The following ZSCAN25 variants were observed in gnomAD, a reference collection of about 807,000 sequenced individuals.
The protein encoded by ZSCAN25 is zinc finger and SCAN domain-containing protein 25.
ZSCAN25 carries 27 observed loss-of-function variants against 38.7 expected under a neutral mutation model. The observed-to-expected ratio is 0.70, with a 90% CI of 0.51 to 0.96. The LOEUF is 0.96. Among genes scored for constraint, ZSCAN25 ranks in the 40% least tolerant of loss-of-function variants. ZSCAN25 has a pLI of 0.00. For missense variants in ZSCAN25, 637 were observed against 705.9 expected (o/e 0.90, Z 1.11); for synonymous variants, 273 against 277.7 (o/e 0.98, Z 0.17).
At chr7:99,662,971 G>A in the ZSCAN25 span, 16 of 1,573,210 alleles carry the variant, frequency 1.0e-5, no homozygotes, top group Admixed American at 5.3e-5. This position sits in a 1 kb window ranked among gnomAD's most constrained non-coding sequence, Gnocchi z 4.3. Flanking sequence ...CTCCCTTCTT[G>A]ACTTCCCTCC....
chr7:99,675,660 T>C, the ZSCAN25 span, among the ~76,000 whole-genome samples: 1 of 344 alleles, frequency 2.9e-3, no homozygotes, highest in Non-Finnish European at 6.3e-3. Flanking sequence ...TCCCCTCCCC[T>C]CCCCTCCCCT....
At chr7:99,635,625 C>A (rs558307263), downstream of ZSCAN25, among the ~76,000 whole-genome samples, 3 of 152,330 alleles carry the variant, frequency 2.0e-5, no homozygotes, top group East Asian at 5.8e-4. Flanking sequence ...ATAACCACAT[C>A]TCACCTGCAA....
chr7:99,640,779 C>T, the ZSCAN25 span, among the ~76,000 whole-genome samples: 6 of 152,070 alleles, frequency 3.9e-5, no homozygotes, highest in South Asian at 2.1e-4. Context: ...GCTATGAAGC[C>T]GGGAAAACAG....
rs566424840 is a variant in ZSCAN25 at position 99,630,252 on chromosome 7, C to T, written c.*232C>T. The stretch of plus-strand genomic sequence containing the variant: ...TTCCAATGTTTGAGGGAAGCAGTCT[C>T]CTGCGGTTCAGTTCAGGCTGAGATT... On this transcript the variant is annotated 3_prime_UTR_variant, in exon 8 of 8. Transcript: ENST00000394152. The T allele has an allele frequency of 1.6e-5, 21 of 1,332,134 alleles. 1 individual carries two copies. The highest frequency in any genetic ancestry group is 5.6e-4 in the Middle Eastern group (2 of 3,568). 82.5% of individuals were successfully genotyped at this position (1,332,134 alleles called of 1,614,324 possible).
the ZSCAN25 span, among the ~76,000 whole-genome samples, chr7:99,670,406 G>A: frequency 3.3e-5 from 5 of 152,308 alleles, no homozygotes; most frequent in East Asian, 7.7e-4. Flanking sequence ...ATTTCGACAT[G>A]TTGGCTAAAC....
the ZSCAN25 span, among the ~76,000 whole-genome samples, chr7:99,720,095 CTGTATCAATGTTAATT>C: frequency 6.6e-6 from 1 of 152,118 alleles, no homozygotes; most frequent in East Asian, 1.9e-4. Flanking sequence ...ACTCTGTGAA[CTGTATCAATGTTAATT>C]TCCTGTACTG....
chr7:99,619,558 A>G lies in ZSCAN25; in HGVS notation c.-46-3A>G, dbSNP rs773879995. The G allele has an allele frequency of 6.4e-7, 1 of 1,552,764 alleles. No homozygotes were observed. Among genetic ancestry groups the G allele is most frequent in the Non-Finnish European group, 8.7e-7 (1 of 1,150,516 alleles). On this transcript the variant is annotated splice_region_variant and splice_polypyrimidine_tract_variant and intron_variant, in intron 3 of 7. Coordinates refer to ENST00000394152, the MANE Select transcript of ZSCAN25 (RefSeq NM_145115.3). ...CCTTTCATGTGTCTCTTGTTCTCAA[A>G]AGGGTCATTGATGCAGTCATTCTCA...
the ZSCAN25 span, among the ~76,000 whole-genome samples, chr7:99,692,125 A>T: frequency 2.0e-5 from 3 of 152,182 alleles, no homozygotes; most frequent in Non-Finnish European, 2.9e-5. Flanking sequence ...GCTTGTCTGT[A>T]AAGTATTTTA....
chr7:99,629,347 C>A lies in ZSCAN25; in HGVS notation c.962C>A (p.Ala321Glu). Residue 321 changes from alanine (A) to glutamate (E), a missense_variant, in exon 8 of 8, where the codon GCG (alanine) becomes GAG (glutamate). Ala to Glu is a moderately radical substitution (Grantham distance 107). Coordinates refer to ENST00000394152, the MANE Select transcript of ZSCAN25 (RefSeq NM_145115.3). The surrounding 1 kb of genome is among the most constrained non-coding windows in gnomAD (Gnocchi z 5.6). Reference protein sequence around the residue: ...EQEPGGPAGSAPGLPPPQHGA... With the variant: ...EQEPGGPAGSEPGLPPPQHGA... Reference sequence around the variant, plus strand: ...GAGCCTGGTGGCCCTGCAGGCAGTGCGCCTGGGCTTCCTCCTCCCCAGCAC... The same window carrying A: ...GAGCCTGGTGGCCCTGCAGGCAGTGAGCCTGGGCTTCCTCCTCCCCAGCAC... The A allele has an allele frequency of 6.2e-7, 1 of 1,614,152 alleles. No homozygotes were observed. Among genetic ancestry groups the A allele is most frequent in the Non-Finnish European group, 8.5e-7 (1 of 1,180,030 alleles).
At chr7:99,705,399 G>A in the ZSCAN25 span, 4 of 1,313,366 alleles carry the variant, frequency 3.0e-6, no homozygotes, top group East Asian at 2.4e-5. Context: ...ATTGGATGAA[G>A]CCCGTCTTCA....
At chr7:99,732,017 A>G in the ZSCAN25 span, among the ~76,000 whole-genome samples, 1 of 152,180 alleles carries the variant, frequency 6.6e-6, no homozygotes, top group South Asian at 2.1e-4. Flanking sequence ...TGCCAGTGAT[A>G]TGATCTGAAT....
the ZSCAN25 span, chr7:99,671,151 GTGTGTGTGTGTGTA>G: frequency 1.4e-5 from 2 of 138,534 alleles, 1 homozygote; most frequent in African/African-American, 6.0e-5. Context: ...GTGTGTGTGT[GTGTGTGTGTGTGTA>G]TTTTATGTGT....
the ZSCAN25 span, among the ~76,000 whole-genome samples, chr7:99,667,933 T>C: frequency 2.6e-5 from 4 of 152,166 alleles, no homozygotes; most frequent in African/African-American, 9.7e-5. Flanking sequence ...ACCTGATGTC[T>C]TAATACACTA....
At chr7:99,722,251 A>T in the ZSCAN25 span, 1 of 1,611,192 alleles carries the variant, frequency 6.2e-7, no homozygotes, top group Non-Finnish European at 8.5e-7. Flanking sequence ...GGGTAAACTC[A>T]TCATAGAAAC....
At chr7:99,687,258 G>T in the ZSCAN25 span, among the ~76,000 whole-genome samples, 1 of 152,278 alleles carries the variant, frequency 6.6e-6, no homozygotes, top group South Asian at 2.1e-4. Flanking sequence ...CAATGGCAAA[G>T]AAGTTAAAAA....
the ZSCAN25 span, chr7:99,715,552 G>A: frequency 4.8e-6 from 4 of 832,064 alleles, no homozygotes; most frequent in South Asian, 7.1e-5. Flanking sequence ...TTCTGGCAGG[G>A]GGTTGATAGC....
chr7:99,644,200 T>G, the ZSCAN25 span, among the ~76,000 whole-genome samples: 1 of 152,122 alleles, frequency 6.6e-6, no homozygotes, highest in East Asian at 1.9e-4. Flanking sequence ...TGTGATAGAT[T>G]CTTCTGTGGA....
At chr7:99,619,291 T>A (rs1045291116) in intron 3 of ZSCAN25, among the ~76,000 whole-genome samples, 159 bp downstream of exon 3, 7 of 152,334 alleles carry the variant, frequency 4.6e-5, no homozygotes, top group African/African-American at 1.4e-4. Flanking sequence ...TATATATTAT[T>A]CTCTGATTGT....
chr7:99,645,092 G>A, the ZSCAN25 span, among the ~76,000 whole-genome samples: 1 of 152,230 alleles, frequency 6.6e-6, no homozygotes, highest in African/African-American at 2.4e-5. Flanking sequence ...CTGGGTTCAA[G>A]CGATTCTCGT....
Sources: gnomAD v4.1 joint callset for allele counts (sites outside exome capture counted in the v4.1 genomes callset) on GRCh38, gnomAD v4.1.1 for gene constraint, Gnocchi (gnomAD v3.1) non-coding constraint, MANE v1.5 for transcripts, NCBI Gene and HGNC (gene_info 2026-07-23, HGNC 2026-07-21) for gene names.